ARSJ: variants seen among roughly 807,000 people sequenced by gnomAD.
The protein encoded by ARSJ is arylsulfatase J.
In ARSJ, 26 loss-of-function variants were observed where a neutral mutation model predicts 35.9. The observed-to-expected ratio is 0.72, with a 90% CI of 0.53 to 1.00. The LOEUF (loss-of-function observed/expected upper bound fraction) is 1.00. Among genes scored for constraint, ARSJ ranks in the 50% least tolerant of loss-of-function variants. The pLI is 0.00. For missense variants in ARSJ, 667 were observed against 723.6 expected (o/e 0.92, Z 0.90); for synonymous variants, 294 against 267.6 (o/e 1.10, Z -0.96).
At chr4:113,945,934 G>A (rs1376598555) in intron 1 of ARSJ, among the ~76,000 whole-genome samples, 2 of 151,964 alleles carry the variant, frequency 1.3e-5, no homozygotes, top group Non-Finnish European at 1.5e-5. Flanking sequence ...AAAAATGTCA[G>A]TTTGTTCATA....
At chr4:113,927,101 G>T (rs1008055792) in intron 1 of ARSJ, among the ~76,000 whole-genome samples, 1 of 152,074 alleles carries the variant, frequency 6.6e-6, no homozygotes, top group African/African-American at 2.4e-5. Context: ...TCAATAAAAG[G>T]GTCAGAGTAA....
At chr4:113,911,481 A>G (rs2099670434) in intron 1 of ARSJ, among the ~76,000 whole-genome samples, 1 of 152,236 alleles carries the variant, frequency 6.6e-6, no homozygotes, top group Non-Finnish European at 1.5e-5. Flanking sequence ...TCTAAGAGAT[A>G]GAGGATGATA....
chr4:113,912,907 T>C (rs1723019397), intron 1 of ARSJ, among the ~76,000 whole-genome samples: 1 of 152,124 alleles, frequency 6.6e-6, no homozygotes, highest in Admixed American at 6.6e-5. Context: ...ATGTATATGA[T>C]TAGGTTTCAA....
Position 113,928,723 on chromosome 4 carries a change from C to A in ARSJ, c.399-25048G>T, listed in dbSNP as rs535021767. 9.9e-5 allele frequency among the ~76,000 whole-genome samples: 15 copies of A among 152,264 alleles called. 1 individual carries two copies. In the South Asian group the frequency reaches 2.7e-3, roughly 27 times the overall value. On this transcript the variant is annotated intron_variant, in intron 1 of 1. Transcript: ENST00000315366. ...TTTTATAGTTGAGTCACTGTGGTTC[C>A]CACTGTTAGATCTGACATACAGAGA...
chr4:113,944,837 A>G (rs1223754902), intron 1 of ARSJ, among the ~76,000 whole-genome samples: 1 of 152,098 alleles, frequency 6.6e-6, no homozygotes, highest in Non-Finnish European at 1.5e-5. Flanking sequence ...GCCTATGAAT[A>G]TTAACATTTT....
intron 1 of ARSJ, among the ~76,000 whole-genome samples, chr4:113,934,711 T>C (rs949431695): frequency 6.6e-6 from 1 of 151,940 alleles, no homozygotes; most frequent in Admixed American, 6.6e-5. Flanking sequence ...GATTGGATTA[T>C]ATGAGTGTAT....
intron 1 of ARSJ, among the ~76,000 whole-genome samples, chr4:113,926,865 G>A (rs1269830015): frequency 1.3e-5 from 2 of 152,210 alleles, no homozygotes; most frequent in African/African-American, 4.8e-5. Context: ...TGCAGAAGAC[G>A]GCAGGGTCCT....
chr4:113,953,961 T>C (rs938304369), intron 1 of ARSJ, among the ~76,000 whole-genome samples: 2 of 152,012 alleles, frequency 1.3e-5, no homozygotes, highest in Non-Finnish European at 2.9e-5. Context: ...TATTTCTAAA[T>C]ATACTGGAAG....
chr4:113,977,294 G>A (rs1727645930), intron 1 of ARSJ, among the ~76,000 whole-genome samples: 2 of 152,136 alleles, frequency 1.3e-5, no homozygotes, highest in Admixed American at 6.5e-5. Flanking sequence ...CTCAGGAGAG[G>A]GAAGGACAAT....
At chr4:113,930,614 A>T (rs941680748) in intron 1 of ARSJ, among the ~76,000 whole-genome samples, 5 of 152,124 alleles carry the variant, frequency 3.3e-5, no homozygotes, top group African/African-American at 1.2e-4. Flanking sequence ...CATTTTTTTT[A>T]TAACTTAATT....
intron 1 of ARSJ, among the ~76,000 whole-genome samples, chr4:113,926,665 AC>A (rs1386821549): frequency 6.6e-6 from 1 of 152,122 alleles, no homozygotes; most frequent in Non-Finnish European, 1.5e-5. Context: ...TCATGTACAT[AC>A]CACTTACATT....
Position 113,903,646 on chromosome 4 carries a change from G to T in ARSJ, c.428C>A (p.Ser143Tyr), listed in dbSNP as rs1443495118. The change falls in exon 2 of 2, where the codon TCT (serine) becomes TAT (tyrosine). Residue 143 changes from serine (S) to tyrosine (Y), a missense_variant. Ser to Tyr is a moderately radical substitution (Grantham distance 144, BLOSUM62 -2). Coordinates refer to ENST00000315366, the MANE Select transcript of ARSJ (RefSeq NM_024590.4). ...KYQIHTGLQH[S>Y]IIRPTQPNCL... Reference sequence around the variant, plus strand: ...GTTGGGTTGGGTAGGTCTTATGATAGAATGTTGAAGTCCGGTGTGTATCTG... The same window carrying T: ...GTTGGGTTGGGTAGGTCTTATGATATAATGTTGAAGTCCGGTGTGTATCTG... The T allele has an allele frequency of 6.2e-7, 1 of 1,613,306 alleles. No individual in the cohort carries two copies. The highest frequency in any genetic ancestry group is 1.7e-5 in the Admixed American group (1 of 59,988).
intron 1 of ARSJ, among the ~76,000 whole-genome samples, chr4:113,909,111 T>G (rs936244228): frequency 6.6e-6 from 1 of 152,022 alleles, no homozygotes; most frequent in Non-Finnish European, 1.5e-5. Flanking sequence ...CTGATAGGAC[T>G]AAATCAGTGA....
chr4:113,958,648 C>A (rs1726346508), intron 1 of ARSJ, among the ~76,000 whole-genome samples: 1 of 151,956 alleles, frequency 6.6e-6, no homozygotes, highest in Non-Finnish European at 1.5e-5. Context: ...CAAATAGATA[C>A]ATAACAGAGC....
At chr4:113,946,212 T>C (rs1373158453) in intron 1 of ARSJ, 2 of 152,068 alleles carry the variant, frequency 1.3e-5, no homozygotes, top group East Asian at 1.9e-4. Context: ...GCCTGCTTTA[T>C]GCTTTTCTTG....
Position 113,913,350 on chromosome 4 carries a change from T to C in ARSJ, c.399-9675A>G, listed in dbSNP as rs368132703. ...CAGCTACAAATAACACGCTAAGTGA[T>C]TCTTTTCTGGAAATAGTTTTCATCC... On this transcript the variant is annotated intron_variant, in intron 1 of 1. Coordinates refer to ENST00000315366, the MANE Select transcript of ARSJ (RefSeq NM_024590.4). Among the ~76,000 whole-genome samples the C allele has an allele frequency of 9.8e-5, 15 of 152,320 alleles. No homozygotes were observed. The East Asian group carries it at 2.9e-3, about 29-fold the overall frequency.
At position 113,935,584 on chromosome 4, in the gene ARSJ, TA is replaced by T. The variant is rs1724718240; in HGVS notation, c.399-31910del. Among the ~76,000 whole-genome samples, 6 of 151,996 alleles carry T rather than the reference TA, an allele frequency of 3.9e-5. No individual in the cohort carries two copies. The South Asian group carries it at 1.2e-3, about 31-fold the overall frequency. On this transcript the variant is annotated intron_variant, in intron 1 of 1. Coordinates refer to ENST00000315366, the MANE Select transcript of ARSJ (RefSeq NM_024590.4). ...TTAGTAAAGAGTAGTATCTGAGTCT[TA>T]CCATTCTGGCTCTCCCCTTTGTACA...
intron 1 of ARSJ, among the ~76,000 whole-genome samples, chr4:113,908,489 A>G (rs544326692): frequency 3.7e-4 from 57 of 152,348 alleles, no homozygotes; most frequent in Middle Eastern, 6.8e-3. Flanking sequence ...CACGTCAGCT[A>G]TATAAGACTA....
At chr4:113,939,150 G>A (rs1441862263) in intron 1 of ARSJ, among the ~76,000 whole-genome samples, 1 of 147,946 alleles carries the variant, frequency 6.8e-6, no homozygotes, top group African/African-American at 2.5e-5. Flanking sequence ...CTATGAGTGA[G>A]AATATGCGGT....
Sources: gnomAD v4.1 joint callset for allele counts (sites outside exome capture counted in the v4.1 genomes callset) on GRCh38, gnomAD v4.1.1 for gene constraint, MANE v1.5 for transcripts, NCBI Gene and HGNC (gene_info 2026-07-23, HGNC 2026-07-21) for gene names.